The following REPS2 variants were observed in gnomAD, a reference collection of about 807,000 sequenced individuals.
REPS2 encodes the protein ralBP1-associated Eps domain-containing protein 2.
REPS2 carries 23 observed loss-of-function variants against 53.6 expected under a neutral mutation model. The observed-to-expected ratio is 0.43, with a 90% CI of 0.31 to 0.61. The LOEUF is 0.61. Among genes scored for constraint, REPS2 ranks in the 20% least tolerant of loss-of-function variants. The pLI, the probability that REPS2 is intolerant of heterozygous loss-of-function variation, is 0.11. For missense variants in REPS2, 446 were observed against 534.9 expected (o/e 0.83, Z 1.64); for synonymous variants, 238 against 218.6 (o/e 1.09, Z -0.78).
intron 1 of REPS2, among the ~76,000 whole-genome samples, chrX:16,952,230 C>T (rs2060523399): frequency 9.0e-6 from 1 of 111,207 alleles, no homozygotes; most frequent in South Asian, 3.8e-4. Context: ...CTCCCCTAGC[C>T]CTGCACCCCT....
In REPS2 at chrX:17,063,923, T is replaced by TACACACAC. The variant is rs3842475; in HGVS notation, c.1209+1413_1209+1420dup. On this transcript the variant is annotated intron_variant, in intron 9 of 17. Coordinates refer to ENST00000357277, the MANE Select transcript of REPS2 (RefSeq NM_004726.3). ...CACATGCACACGTCTGTTTTACTGT[T>TACACACAC]ACACACACACACACACACACACACA... Among the ~76,000 whole-genome samples the TACACACAC allele has an allele frequency of 4.4e-3, 437 of 100,335 alleles. 7 individuals carry two copies. Among genetic ancestry groups the TACACACAC allele is most frequent in the East Asian group, 0.031 (96 of 3,073 alleles). The allele number at this position is 100,335 out of a possible 115,157, so 87.1% of individuals were successfully genotyped here.
At chrX:17,038,086 C>G (rs1209077882) in intron 5 of REPS2, among the ~76,000 whole-genome samples, 1 of 112,397 alleles carries the variant, frequency 8.9e-6, no homozygotes, top group African/African-American at 3.2e-5. Context: ...AGCCACCATG[C>G]CAGGGGTACA....
intron 2 of REPS2, among the ~76,000 whole-genome samples, chrX:17,009,283 C>T (rs187492426): frequency 1.5e-4 from 17 of 111,445 alleles, no homozygotes; most frequent in East Asian, 1.1e-3. Flanking sequence ...CTCAGCGCCC[C>T]GAGTAGCTGG....
chrX:17,039,788 C>T (rs770797600), intron 5 of REPS2, among the ~76,000 whole-genome samples: 181 of 112,146 alleles, frequency 1.6e-3, no homozygotes, highest in Non-Finnish European at 2.8e-3. Flanking sequence ...TCCTCAGTTT[C>T]CTGTTCTGCA....
chrX:17,137,483 A>G (rs2063387121), intron 16 of REPS2: 1 of 112,066 alleles, frequency 8.9e-6, no homozygotes, highest in African/African-American at 3.3e-5. Flanking sequence ...TAATCTTTTT[A>G]CTTTTGAGTT....
intron 5 of REPS2, among the ~76,000 whole-genome samples, chrX:17,031,550 G>T (rs772993974): frequency 1.2e-4 from 14 of 112,255 alleles, no homozygotes; most frequent in Non-Finnish European, 2.1e-4. Flanking sequence ...CCCTCATGGA[G>T]CTACTGGAGA....
intron 1 of REPS2, among the ~76,000 whole-genome samples, chrX:16,979,830 T>G (rs2060999511): frequency 1.8e-5 from 2 of 109,889 alleles, no homozygotes; most frequent in Admixed American, 2.0e-4. Context: ...GTTTTTTACC[T>G]GGGTTCTCAG....
chrX:17,133,718 C>A, intron 14 of REPS2, 106 bp from the exon 15 acceptor site: 1 of 701,818 alleles, frequency 1.4e-6, no homozygotes, highest in Non-Finnish European at 2.3e-6. Context: ...TGCAACTTGG[C>A]CTAAATCAGT....
At chrX:16,965,873 C>T (rs1478546508) in intron 1 of REPS2, among the ~76,000 whole-genome samples, 1 of 112,776 alleles carries the variant, frequency 8.9e-6, no homozygotes, top group African/African-American at 3.2e-5. Flanking sequence ...CTCGGGAGGC[C>T]GAGGCTGGCG....
chrX:17,184,610 T>C, the REPS2 span, among the ~76,000 whole-genome samples: 2 of 110,017 alleles, frequency 1.8e-5, no homozygotes, highest in African/African-American at 6.6e-5. Context: ...CCACACTGAC[T>C]TCCACAATGG....
At chrX:17,184,236 T>A in the REPS2 span, among the ~76,000 whole-genome samples, 1 of 93,834 alleles carries the variant, frequency 1.1e-5, no homozygotes, top group Non-Finnish European at 2.1e-5. Context: ...TGTCCAAGTG[T>A]TCTCATTGTT....
chrX:17,185,790 C>A, the REPS2 span, among the ~76,000 whole-genome samples: 2 of 111,574 alleles, frequency 1.8e-5, no homozygotes, highest in Non-Finnish European at 3.8e-5. Context: ...CAAAAGGGCA[C>A]ATCTGCCAAG....
chrX:16,964,653 G>A (rs1032475473), intron 1 of REPS2, among the ~76,000 whole-genome samples: 1 of 103,044 alleles, frequency 9.7e-6, no homozygotes, highest in Non-Finnish European at 2.0e-5. Flanking sequence ...CTGGCCGGAC[G>A]GGGGGCTGAC....
chrX:17,101,262 C>G (rs2062795663), intron 13 of REPS2, among the ~76,000 whole-genome samples: 1 of 109,302 alleles, frequency 9.1e-6, no homozygotes, highest in Non-Finnish European at 1.9e-5. Flanking sequence ...TGGGGTTTCA[C>G]TGTGTTAGCC....
At position 16,955,882 on chromosome X, in the gene REPS2, G is replaced by A. The variant is rs186289427; in HGVS notation, c.273+8748G>A. Reference sequence around the variant, plus strand: ...GTCTGAAGTAGAAAATTATTCTGTTGAGCCTTTTTGTGGCCAGAATATACA... The same window carrying A: ...GTCTGAAGTAGAAAATTATTCTGTTAAGCCTTTTTGTGGCCAGAATATACA... On this transcript the variant is annotated intron_variant, in intron 1 of 17. Transcript: ENST00000357277. Among the ~76,000 whole-genome samples, 4 of 112,282 alleles carry A rather than the reference G, an allele frequency of 3.6e-5. No individual in the cohort carries two copies. The Admixed American group carries it at 3.8e-4, about 11-fold the overall frequency.
chrX:17,189,442 C>T, the REPS2 span, among the ~76,000 whole-genome samples: 1 of 109,792 alleles, frequency 9.1e-6, no homozygotes, highest in Admixed American at 9.7e-5. Flanking sequence ...CCTTCCACCA[C>T]GCCTGGCAAA....
chrX:17,188,835 G>T, the REPS2 span, among the ~76,000 whole-genome samples: 1 of 112,041 alleles, frequency 8.9e-6, no homozygotes, highest in Non-Finnish European at 1.9e-5. Flanking sequence ...TGTCATCAGG[G>T]ATATGTGTGT....
rs755578029 is a variant in REPS2, at chrX:17,057,722, TTTTTC to T, written c.1114+2791_1114+2795del. 1.4e-4 allele frequency among the ~76,000 whole-genome samples: 16 copies of T among 112,689 alleles called. No individual in the cohort carries two copies. In the South Asian group the frequency reaches 4.0e-3, roughly 28 times the overall value. On this transcript the variant is annotated intron_variant, in intron 8 of 17. Transcript: ENST00000357277. ...CTCCCTCGTCTTGTCTTGTCTTGTC[TTTTTC>T]TTTTCTTTTCTTTTCTTTCTGTTTC... is the stretch of plus-strand genomic sequence containing the variant.
chrX:17,020,774 G>A (rs1176186611), intron 2 of REPS2, among the ~76,000 whole-genome samples: 1 of 110,552 alleles, frequency 9.0e-6, no homozygotes, highest in Admixed American at 9.7e-5. Context: ...GATTACAGGC[G>A]CCTGACGCCA....
Sources: allele counts gnomAD v4.1 joint callset (sites outside exome capture counted in the v4.1 genomes callset), GRCh38; gene constraint gnomAD v4.1.1; transcripts MANE v1.5; gene names NCBI Gene and HGNC (gene_info 2026-07-23, HGNC 2026-07-21).